Variants in SMC3 observed in about 807,000 individuals in gnomAD.
SMC3 encodes structural maintenance of chromosomes protein 3.
SMC3 carries 20 observed loss-of-function variants against 171.8 expected under a neutral mutation model. The observed-to-expected ratio is 0.12, with a 90% CI of 0.08 to 0.17. The LOEUF is 0.17. Among genes scored for constraint, SMC3 ranks in the 10% least tolerant of loss-of-function variants. The probability of loss-of-function intolerance (pLI) is 1.00; values close to 1 mark genes in which losing one functional copy is unlikely to be tolerated. For missense variants in SMC3, 543 were observed against 1,420.4 expected (o/e 0.38, Z 9.93); for synonymous variants, 464 against 451.1 (o/e 1.03, Z -0.36).
At chr10:110,601,234 T>C (rs1861382290) in intron 23 of SMC3, 104 bp downstream of exon 23, 3 of 866,782 alleles carry the variant, frequency 3.5e-6, no homozygotes, top group Non-Finnish European at 5.9e-6. Flanking sequence ...TAATGATTTT[T>C]TGTTTTCCAT....
chr10:110,604,000 C>T (rs1446457363), intron 28 of SMC3, among the ~76,000 whole-genome samples: 1 of 136,782 alleles, frequency 7.3e-6, no homozygotes. Context: ...GAGTCTGAGG[C>T]AGAATAATTG....
At chr10:110,571,995 G>A (rs1469829992) in intron 2 of SMC3, among the ~76,000 whole-genome samples, 1 of 152,128 alleles carries the variant, frequency 6.6e-6, no homozygotes, top group Non-Finnish European at 1.5e-5. Flanking sequence ...TAGATGGATT[G>A]TGGTTTGAAA....
intron 13 of SMC3, among the ~76,000 whole-genome samples, chr10:110,585,806 CTT>C (rs1026876105): frequency 6.6e-6 from 1 of 151,202 alleles, no homozygotes; most frequent in Admixed American, 6.6e-5. Context: ...TCCCTAATCT[CTT>C]TTTTTTGGAG....
rs533921172 is a variant in SMC3, at chr10:110,595,839, T to A, written c.1964-559T>A. ...TGGCCAGTGGAAATTTCAAGCTAGG[T>A]CCTGTGTCCTACTAATATTTCCTCT... is the stretch of plus-strand genomic sequence containing the variant. On this transcript the variant is annotated intron_variant, in intron 18 of 28. Coordinates refer to ENST00000361804, the MANE Select transcript of SMC3 (RefSeq NM_005445.4). Among the ~76,000 whole-genome samples, 9 of 151,886 alleles carry A rather than the reference T, an allele frequency of 5.9e-5. 1 individual carries two copies. The highest frequency in any genetic ancestry group is 2.2e-4 in the African/African-American group (9 of 41,434).
rs1232101171 is a variant in SMC3 at position 110,567,943 on chromosome 10, A to G, written c.15+112A>G. On this transcript the variant is annotated intron_variant, in intron 1 of 28. Coordinates refer to ENST00000361804, the MANE Select transcript of SMC3 (RefSeq NM_005445.4). ...CTCCCCTGTCTCCACAGGCTGGACC[A>G]GGGCTGGGCGGGGACTGTGGGGGAG... 6.7e-6 allele frequency: 9 copies of G among 1,335,068 alleles called. No homozygotes were observed. In the African/African-American group the frequency reaches 1.2e-4, roughly 17 times the overall value. The allele number at this position is 1,335,068 out of a possible 1,614,324, so 82.7% of individuals were successfully genotyped here.
chr10:110,604,361 A>G lies in SMC3; in HGVS notation c.*59A>G, dbSNP rs965272604. The G allele has an allele frequency of 3.3e-6, 4 of 1,228,850 alleles. No homozygotes were observed. Among genetic ancestry groups the G allele is most frequent in the Non-Finnish European group, 4.8e-6 (4 of 832,226 alleles). The allele number at this position is 1,228,850 out of a possible 1,614,324, so 76.1% of individuals were successfully genotyped here. A position where few individuals can be genotyped will look rare whatever the true frequency, so the allele number is the denominator to read the frequency against. Reference sequence around the variant, plus strand: ...ATATAGTAATATGATTCTCATACCCAGGAACTGTAAATTTAAACCTAAATA... The same window carrying G: ...ATATAGTAATATGATTCTCATACCCGGGAACTGTAAATTTAAACCTAAATA... On this transcript the variant is annotated 3_prime_UTR_variant, in exon 29 of 29. Coordinates refer to ENST00000361804, the MANE Select transcript of SMC3 (RefSeq NM_005445.4).
chr10:110,590,552 G>C lies in SMC3; in HGVS notation c.1650G>C (p.Val550=). ...FECEPAFYTC[V]EVTAGNRLFY... ...GTGAACCAGCTTTCTACACATGCGT[G>C]GAAGTCACTGCTGGAAACAGGTTAA... The change falls in exon 16 of 29, where the codon GTG becomes GTC. Residue 550 remains valine, a synonymous_variant. Coordinates refer to ENST00000361804, the MANE Select transcript of SMC3 (RefSeq NM_005445.4). 6.2e-7 allele frequency: 1 copy of C among 1,614,066 alleles called. No individual in the cohort carries two copies. The highest frequency in any genetic ancestry group is 1.1e-5 in the South Asian group (1 of 91,078).
At chr10:110,569,035 G>A (rs201490209) in intron 2 of SMC3, 22 bp downstream of exon 2, 2 of 1,448,752 alleles carry the variant, frequency 1.4e-6, no homozygotes, top group Non-Finnish European at 1.9e-6. Flanking sequence ...TGGTTTACTC[G>A]GTCATATTTA....
chr10:110,575,830 G>A (rs11818887), intron 4 of SMC3, among the ~76,000 whole-genome samples: 16,920 of 152,196 alleles, frequency 0.11, 1,852 homozygotes, highest in African/African-American at 0.28. Flanking sequence ...GATGTGATCT[G>A]CAAAGGCTTA....
chr10:110,604,093 T>G (rs1306592159), intron 28 of SMC3, 138 bp from the exon 29 acceptor site: 4 of 286,082 alleles, frequency 1.4e-5, no homozygotes, highest in African/African-American at 8.1e-5. Flanking sequence ...AGACTCCATC[T>G]CAAAAAAAAA....
At chr10:110,581,856 A>C (rs1480050094) in intron 8 of SMC3, 67 bp from the exon 9 acceptor site, 6 of 1,255,894 alleles carry the variant, frequency 4.8e-6, no homozygotes, top group Non-Finnish European at 4.7e-6. Context: ...TTCAAGGTAT[A>C]TTTAAGAAGT....
chr10:110,579,445 TC>T (rs1439686731), intron 7 of SMC3, among the ~76,000 whole-genome samples: 7 of 152,190 alleles, frequency 4.6e-5, no homozygotes, highest in African/African-American at 1.4e-4. Context: ...TTTTCTGAGA[TC>T]CGTCTGCTGT....
chr10:110,592,659 C>G (rs904788597), intron 17 of SMC3, among the ~76,000 whole-genome samples: 1 of 152,072 alleles, frequency 6.6e-6, no homozygotes, highest in African/African-American at 2.4e-5. Context: ...GAGATACTAT[C>G]GTAAGTTTTG....
At chr10:110,594,298 T>A (rs970368187) in intron 18 of SMC3, among the ~76,000 whole-genome samples, 2 of 151,722 alleles carry the variant, frequency 1.3e-5, no homozygotes, top group African/African-American at 4.8e-5. Flanking sequence ...GGAGATGAAT[T>A]GTATTCGCAT....
chr10:110,593,106 A>T lies in SMC3; in HGVS notation c.1846A>T (p.Asn616Tyr). ...AIPMISKLRY[N>Y]PRFDKAFKHV... is the part of the protein sequence containing the mutation. ...TCCTATGATCAGCAAACTGAGGTAC[A>T]ATCCCAGATTTGACAAAGCTTTCAA... The change falls in exon 18 of 29, where the codon AAT becomes TAT. Residue 616 changes from asparagine to tyrosine, a missense_variant. By Grantham distance (143) the Asn-to-Tyr change is moderately radical. Around this residue, in one of 8 missense-constraint regions of SMC3, gnomAD observed 218 missense variants for 509.6 expected, o/e 0.43. Transcript: ENST00000361804. 1 of 1,614,122 alleles carries T rather than the reference A, an allele frequency of 6.2e-7. No individual in the cohort carries two copies. The highest frequency in any genetic ancestry group is 1.1e-5 in the South Asian group (1 of 91,082).
intron 18 of SMC3, 32 bp downstream of exon 18, chr10:110,593,255 A>T (rs768268810): frequency 6.3e-7 from 1 of 1,599,214 alleles, no homozygotes; most frequent in Non-Finnish European, 8.6e-7. Flanking sequence ...CTTTAAACAG[A>T]TAAATTCTAA....
rs149663059 is a variant in SMC3, at chr10:110,570,507, A to T, written c.91+1494A>T. On this transcript the variant is annotated intron_variant, in intron 2 of 28. Coordinates refer to ENST00000361804, the MANE Select transcript of SMC3 (RefSeq NM_005445.4). ...ACATGCCATAGGGTGGCTTAATTGT[A>T]CTGGGGTTTTGCTTACATATAAGTA... 5.0e-3 allele frequency among the ~76,000 whole-genome samples: 761 copies of T among 152,186 alleles called. 6 individuals are homozygous for T. Among genetic ancestry groups the T allele is most frequent in the African/African-American group, 0.017 (716 of 41,502 alleles).
At chr10:110,589,744 G>T in intron 14 of SMC3, 36 bp downstream of exon 14, 1 of 1,435,956 alleles carries the variant, frequency 7.0e-7, no homozygotes, top group Non-Finnish European at 9.8e-7. Flanking sequence ...AATGTTTTCA[G>T]TAATGTTCGT....
intron 7 of SMC3, among the ~76,000 whole-genome samples, chr10:110,580,188 A>G (rs528694604): frequency 9.8e-5 from 15 of 152,342 alleles, no homozygotes; most frequent in African/African-American, 2.9e-4. Flanking sequence ...TGCAAATACT[A>G]TGCCATTTTA....
Sources: gnomAD v4.1 joint callset for allele counts (sites outside exome capture counted in the v4.1 genomes callset) on GRCh38, gnomAD v4.1.1 for gene constraint, gnomAD v4.1.1 regional missense constraint, MANE v1.5 for transcripts, NCBI Gene and HGNC (gene_info 2026-07-23, HGNC 2026-07-21) for gene names.